The following PTPRE variants were observed in gnomAD, a reference collection of about 807,000 sequenced individuals.
The protein encoded by PTPRE is receptor-type tyrosine-protein phosphatase epsilon.
Under a neutral mutation model 102.0 loss-of-function variants are expected in PTPRE, and 51 were observed. That is an observed-to-expected ratio of 0.50 (90% CI 0.40 to 0.63). The LOEUF (loss-of-function observed/expected upper bound fraction) is 0.63. Ranked by LOEUF, PTPRE falls within the 30% of genes least tolerant of loss-of-function variation. PTPRE has a pLI of 0.00. For missense variants in PTPRE, 752 were observed against 915.1 expected (o/e 0.82, Z 2.30); for synonymous variants, 345 against 348.2 (o/e 0.99, Z 0.10).
chr10:127,937,214 A>C (rs555476036), intron 1 of PTPRE, among the ~76,000 whole-genome samples: 1 of 152,286 alleles, frequency 6.6e-6, no homozygotes, highest in South Asian at 2.1e-4. Context: ...TCACATGATA[A>C]TGGCTTTTTA....
At chr10:128,025,676 C>A (rs1352461294) in intron 2 of PTPRE, among the ~76,000 whole-genome samples, 2 of 152,172 alleles carry the variant, frequency 1.3e-5, no homozygotes, top group Non-Finnish European at 1.5e-5. Context: ...AACCCTGGGG[C>A]CTCCCTGCCT....
intron 2 of PTPRE, among the ~76,000 whole-genome samples, chr10:128,022,246 A>T (rs1459736641): frequency 6.6e-6 from 1 of 152,178 alleles, no homozygotes; most frequent in African/African-American, 2.4e-5. Flanking sequence ...CCCCAGGTGC[A>T]CCTGGCACCC....
intron 1 of PTPRE, among the ~76,000 whole-genome samples, chr10:127,955,322 A>G (rs1264013036): frequency 1.3e-5 from 2 of 151,968 alleles, no homozygotes; most frequent in Non-Finnish European, 2.9e-5. Flanking sequence ...ACATACATAC[A>G]TATATACATA....
intron 1 of PTPRE, among the ~76,000 whole-genome samples, chr10:127,908,172 T>G (rs1845621449): frequency 6.6e-6 from 1 of 152,202 alleles, no homozygotes; most frequent in African/African-American, 2.4e-5. Flanking sequence ...GACCATTCCA[T>G]CAGAGTTTCA....
At chr10:128,023,591 T>C (rs928512299) in intron 2 of PTPRE, among the ~76,000 whole-genome samples, 3 of 152,220 alleles carry the variant, frequency 2.0e-5, no homozygotes, top group Non-Finnish European at 4.4e-5. Context: ...CGTAGGTACA[T>C]ATGTATAGGA....
At chr10:128,007,261 T>C (rs1854659467) in intron 2 of PTPRE, among the ~76,000 whole-genome samples, 1 of 152,172 alleles carries the variant, frequency 6.6e-6, no homozygotes, top group Non-Finnish European at 1.5e-5. Context: ...TCATAAACCT[T>C]TTGGCTAGTT....
intron 2 of PTPRE, among the ~76,000 whole-genome samples, chr10:128,027,676 C>T (rs1250984000): frequency 6.6e-6 from 1 of 152,196 alleles, no homozygotes; most frequent in Non-Finnish European, 1.5e-5. Context: ...GGCATCATTT[C>T]CACACCAGCA....
At chr10:127,930,725 C>T (rs1487760453) in intron 1 of PTPRE, among the ~76,000 whole-genome samples, 3 of 152,128 alleles carry the variant, frequency 2.0e-5, no homozygotes, top group Non-Finnish European at 4.4e-5. Flanking sequence ...ATTTGCTTTT[C>T]CACCAGCAGT....
At chr10:128,000,655 A>G (rs1055963280) in intron 2 of PTPRE, among the ~76,000 whole-genome samples, 1 of 152,230 alleles carries the variant, frequency 6.6e-6, no homozygotes, top group Admixed American at 6.5e-5. Context: ...GATACTTATG[A>G]TGAGAACAGA....
At chr10:127,917,188 T>C (rs2094181453) in intron 1 of PTPRE, among the ~76,000 whole-genome samples, 1 of 150,930 alleles carries the variant, frequency 6.6e-6, no homozygotes, top group East Asian at 2.0e-4. Context: ...AGACACAGGC[T>C]TACGAGATGA....
chr10:128,028,625 G>A lies in PTPRE; in HGVS notation c.-7-12250G>A, dbSNP rs1031440966. On this transcript the variant is annotated intron_variant, in intron 2 of 20. Transcript: ENST00000254667. This position sits in a 1 kb window ranked among gnomAD's most constrained non-coding sequence, Gnocchi z 4.5. ...AGAAGCGGCAGCCCCATCTGTCCCCGAGACCCCACCCCCTCAGGCACAGCT... is the reference window on the plus strand; with the variant it reads ...AGAAGCGGCAGCCCCATCTGTCCCCAAGACCCCACCCCCTCAGGCACAGCT... Among the ~76,000 whole-genome samples the A allele has an allele frequency of 9.9e-5, 15 of 152,062 alleles. No individual in the cohort carries two copies. The highest frequency in any genetic ancestry group is 3.4e-4 in the African/African-American group (14 of 41,410).
At chr10:128,016,940 A>G (rs1365133269) in intron 2 of PTPRE, among the ~76,000 whole-genome samples, 1 of 152,194 alleles carries the variant, frequency 6.6e-6, no homozygotes, top group African/African-American at 2.4e-5. Flanking sequence ...GGGTCCTGTG[A>G]GGTCCCTCCC....
chr10:128,027,593 A>T (rs1846376859), intron 2 of PTPRE, among the ~76,000 whole-genome samples: 1 of 152,172 alleles, frequency 6.6e-6, no homozygotes, highest in Admixed American at 6.5e-5. Flanking sequence ...ATCCAGAAAC[A>T]TGTGGGTCAG....
intron 2 of PTPRE, chr10:127,999,941 C>T: frequency 1.0e-6 from 1 of 985,456 alleles, no homozygotes; most frequent in South Asian, 4.7e-5. Context: ...CACCTAGGGG[C>T]TACTGAGAAC....
intron 1 of PTPRE, among the ~76,000 whole-genome samples, chr10:127,923,168 C>G (rs1355736520): frequency 6.6e-6 from 1 of 152,200 alleles, no homozygotes; most frequent in East Asian, 1.9e-4. Flanking sequence ...CAAAGCAAGT[C>G]CAAGAAATGT....
At chr10:128,021,627 C>T (rs1197054516) in intron 2 of PTPRE, among the ~76,000 whole-genome samples, 1 of 152,180 alleles carries the variant, frequency 6.6e-6, no homozygotes. Flanking sequence ...TAGAATGCCC[C>T]CAAGCCAATG....
At chr10:128,015,431 ATC>A (rs1007937236) in intron 2 of PTPRE, among the ~76,000 whole-genome samples, 2 of 151,716 alleles carry the variant, frequency 1.3e-5, no homozygotes, top group African/African-American at 4.8e-5. Flanking sequence ...CAGTGGCGTG[ATC>A]TCGGCTCACT....
At chr10:128,017,258 C>T (rs910189784) in intron 2 of PTPRE, among the ~76,000 whole-genome samples, 21 of 151,948 alleles carry the variant, frequency 1.4e-4, no homozygotes, top group African/African-American at 5.1e-4. Context: ...AAGAGTTTGG[C>T]GGGGCAAGTG....
chr10:128,070,734 C>T lies in PTPRE; in HGVS notation c.1294-74C>T, dbSNP rs1007744596. 6.7e-7 allele frequency: 1 copy of T among 1,488,892 alleles called. No individual in the cohort carries two copies. Among genetic ancestry groups the T allele is most frequent in the South Asian group, 1.2e-5 (1 of 84,844 alleles). 92.2% of individuals were successfully genotyped at this position (1,488,892 alleles called of 1,614,324 possible). A position where few individuals can be genotyped will look rare whatever the true frequency, so the allele number is the denominator to read the frequency against. On this transcript the variant is annotated intron_variant, in intron 14 of 20. Transcript: ENST00000254667. The surrounding 1 kb of genome is among the most constrained non-coding windows in gnomAD (Gnocchi z 4.8). ...TGAGCAGGCGTCCTTGCCAGCAGCA[C>T]TAGTCCTCGGCTGAGCAATGTGCTC...
Sources: allele counts gnomAD v4.1 joint callset (sites outside exome capture counted in the v4.1 genomes callset), GRCh38; gene constraint gnomAD v4.1.1; non-coding constraint Gnocchi (gnomAD v3.1); transcripts MANE v1.5; gene names NCBI Gene and HGNC (gene_info 2026-07-23, HGNC 2026-07-21).